SEMA6D: variants seen among roughly 807,000 people sequenced by gnomAD.
SEMA6D encodes semaphorin 6D.
A neutral mutation model predicts 106.6 loss-of-function variants in SEMA6D; 35 were observed. That is an observed-to-expected ratio of 0.33 (90% confidence interval 0.25 to 0.44). SEMA6D has a LOEUF of 0.44. Ranked by LOEUF, SEMA6D falls within the 20% of genes least tolerant of loss-of-function variation. The pLI is 1.00. For missense variants in SEMA6D, 1,185 were observed against 1,345.9 expected (o/e 0.88, Z 1.87); for synonymous variants, 499 against 487.7 (o/e 1.02, Z -0.31).
intron 4 of SEMA6D, among the ~76,000 whole-genome samples, chr15:47,708,606 T>C (rs1397646865): frequency 6.6e-6 from 1 of 152,256 alleles, no homozygotes; most frequent in Non-Finnish European, 1.5e-5. Context: ...CTCTCACTTA[T>C]TATTCCATCC....
chr15:47,507,879 A>G (rs1043924871), intron 3 of SEMA6D, among the ~76,000 whole-genome samples: 4 of 152,206 alleles, frequency 2.6e-5, no homozygotes, highest in African/African-American at 9.7e-5. Flanking sequence ...CATCCTGAAC[A>G]GATTTGGTTT....
intron 3 of SEMA6D, among the ~76,000 whole-genome samples, chr15:47,534,292 G>A (rs144361194): frequency 0.012 from 1,837 of 152,196 alleles, 11 homozygotes; most frequent in Admixed American, 0.021. Context: ...CCGGGTTCAA[G>A]TGATTCTCGT....
At chr15:47,465,397 C>T (rs1199160299) in intron 2 of SEMA6D, among the ~76,000 whole-genome samples, 1 of 152,154 alleles carries the variant, frequency 6.6e-6, no homozygotes, top group Non-Finnish European at 1.5e-5. Context: ...ATTCTTATTG[C>T]CTAGACTTAG....
At chr15:47,257,791 A>G (rs1415905190) in intron 1 of SEMA6D, among the ~76,000 whole-genome samples, 3 of 151,998 alleles carry the variant, frequency 2.0e-5, no homozygotes, top group African/African-American at 7.2e-5. Context: ...TATGTCAACT[A>G]GATTCTGTTG....
intron 4 of SEMA6D, among the ~76,000 whole-genome samples, chr15:47,707,592 G>C (rs564098149): frequency 1.3e-5 from 2 of 152,312 alleles, no homozygotes; most frequent in East Asian, 3.9e-4. Flanking sequence ...GAATGTGAAG[G>C]ATGAAGGGTT....
chr15:47,654,994 G>A (rs969408638), intron 4 of SEMA6D, among the ~76,000 whole-genome samples: 3 of 152,198 alleles, frequency 2.0e-5, no homozygotes, highest in Non-Finnish European at 2.9e-5. Flanking sequence ...GGCTGAGGAG[G>A]AGGAGGAAGA....
chr15:47,286,479 T>C (rs183450425), intron 1 of SEMA6D, among the ~76,000 whole-genome samples: 182 of 152,306 alleles, frequency 1.2e-3, no homozygotes, highest in Admixed American at 2.2e-3. Flanking sequence ...TTGTGAAAAG[T>C]AGCTATTTTC....
chr15:47,546,289 C>T (rs377001101), intron 3 of SEMA6D, among the ~76,000 whole-genome samples: 1 of 152,108 alleles, frequency 6.6e-6, no homozygotes, highest in African/African-American at 2.4e-5. Flanking sequence ...CCATTTTATC[C>T]TTTGGGAATC....
chr15:47,205,174 G>A (rs925846510), intron 1 of SEMA6D, among the ~76,000 whole-genome samples: 6 of 152,122 alleles, frequency 3.9e-5, no homozygotes, highest in Non-Finnish European at 5.9e-5. Context: ...TACAAAACCA[G>A]TTCCAATCAT....
chr15:47,348,663 CAA>C (rs1051268994), intron 1 of SEMA6D, among the ~76,000 whole-genome samples: 1 of 134,782 alleles, frequency 7.4e-6, no homozygotes, highest in Non-Finnish European at 1.6e-5. Context: ...CACCTTGACT[CAA>C]GAGTACATCA....
intron 2 of SEMA6D, among the ~76,000 whole-genome samples, chr15:47,439,191 C>T (rs1327039296): frequency 1.3e-5 from 2 of 151,944 alleles, no homozygotes; most frequent in African/African-American, 4.8e-5. Flanking sequence ...GAGCATATAC[C>T]CAGAAATTTA....
chr15:47,613,642 T>G (rs2076952656), intron 4 of SEMA6D, among the ~76,000 whole-genome samples: 1 of 151,938 alleles, frequency 6.6e-6, no homozygotes, highest in South Asian at 2.1e-4. Flanking sequence ...CCCCAAAACT[T>G]TATTTTTTAA....
chr15:47,470,456 T>C (rs2042802016), intron 2 of SEMA6D: 1 of 151,572 alleles, frequency 6.6e-6, no homozygotes, highest in South Asian at 2.2e-4. Flanking sequence ...TTGTTCTTTT[T>C]TTTTCTATTT....
intron 1 of SEMA6D, among the ~76,000 whole-genome samples, chr15:47,216,103 A>G (rs971125303): frequency 1.3e-5 from 2 of 152,186 alleles, no homozygotes; most frequent in African/African-American, 4.8e-5. Flanking sequence ...ATACTATTGA[A>G]TGGTTCTTTT....
intron 1 of SEMA6D, among the ~76,000 whole-genome samples, chr15:47,731,140 G>A (rs1251628947): frequency 2.6e-5 from 4 of 151,860 alleles, no homozygotes; most frequent in Non-Finnish European, 5.9e-5. Context: ...CTTTTCTTTT[G>A]GGATCACGTA....
chr15:47,408,162 C>G (rs139508577), intron 1 of SEMA6D, among the ~76,000 whole-genome samples: 305 of 152,196 alleles, frequency 2.0e-3, no homozygotes, highest in African/African-American at 7.3e-3. Context: ...AAGACAACTA[C>G]CTTGGCATGT....
chr15:47,451,076 C>A (rs539250581), intron 2 of SEMA6D, among the ~76,000 whole-genome samples: 1 of 152,072 alleles, frequency 6.6e-6, no homozygotes, highest in African/African-American at 2.4e-5. Context: ...TGCTTTGCAG[C>A]GAATGTGAGG....
At chr15:47,305,757 C>G (rs1257377354) in intron 1 of SEMA6D, among the ~76,000 whole-genome samples, 3 of 152,152 alleles carry the variant, frequency 2.0e-5, no homozygotes, top group South Asian at 2.1e-4. Flanking sequence ...GCAGTTCTGG[C>G]TTTTGGACCA....
intron 3 of SEMA6D, among the ~76,000 whole-genome samples, chr15:47,582,703 A>G (rs576773639): frequency 6.6e-6 from 1 of 152,264 alleles, no homozygotes; most frequent in South Asian, 2.1e-4. Flanking sequence ...GTGATGAGGT[A>G]CTAAACAGTC....
Sources: allele counts gnomAD v4.1 joint callset (sites outside exome capture counted in the v4.1 genomes callset), GRCh38; gene constraint gnomAD v4.1.1; transcripts MANE v1.5; gene names NCBI Gene and HGNC (gene_info 2026-07-23, HGNC 2026-07-21).